The following SEC14L1 variants were observed in gnomAD, a reference collection of about 807,000 sequenced individuals.
SEC14L1 encodes SEC14-like protein 1.
In SEC14L1, 48 loss-of-function variants were observed where a neutral mutation model predicts 85.3. The ratio of observed to expected loss-of-function variants is 0.56; its 90% CI spans 0.45 to 0.72. The LOEUF (loss-of-function observed/expected upper bound fraction) is 0.72, where lower values mean the gene tolerates loss of function less well. Ranked by LOEUF, SEC14L1 falls within the 30% of genes least tolerant of loss-of-function variation. SEC14L1 has a pLI of 0.00. For missense variants in SEC14L1, 682 were observed against 921.4 expected (o/e 0.74, Z 3.36); for synonymous variants, 391 against 355.5 (o/e 1.10, Z -1.12).
At chr17:77,138,959 T>G (rs956343605), upstream of SEC14L1, among the ~76,000 whole-genome samples, 2 of 152,212 alleles carry the variant, frequency 1.3e-5, no homozygotes, top group African/African-American at 4.8e-5. Flanking sequence ...CTCAACAAAT[T>G]TCCCAATCTC....
Position 77,194,761 on chromosome 17 carries a change from A to G in SEC14L1, c.559A>G (p.Thr187Ala). The change falls in exon 7 of 17, where the codon ACG becomes GCG. Residue 187 changes from threonine to alanine, a missense_variant. Physicochemically the swap from Thr to Ala is moderately conservative, Grantham distance 58. Transcript: ENST00000436233. ...GCCCCGTTGGAGTCCGCCTTCCATC[A>G]CGACCTCTTCAGAGACATCTTCATC... The part of the protein sequence containing the change: ...FVPRWSPPSI[T>A]TSSETSSSSS... 1 of 1,614,200 alleles carries G rather than the reference A, an allele frequency of 6.2e-7. No individual in the cohort carries two copies. The highest frequency in any genetic ancestry group is 8.5e-7 in the Non-Finnish European group (1 of 1,180,026).
intron 8 of SEC14L1, among the ~76,000 whole-genome samples, chr17:77,199,921 C>A (rs764636402): frequency 1.3e-5 from 2 of 152,196 alleles, no homozygotes; most frequent in Non-Finnish European, 2.9e-5. Flanking sequence ...ATAATCCCAA[C>A]ACTTTGGGAG....
chr17:77,195,286 A>G (rs1346718309), intron 7 of SEC14L1, among the ~76,000 whole-genome samples: 5 of 150,510 alleles, frequency 3.3e-5, no homozygotes, highest in Admixed American at 3.3e-4. Flanking sequence ...GTGAGCCACC[A>G]CACCTGGCCT....
chr17:77,189,626 G>GGTTTT (rs200781196), intron 3 of SEC14L1, among the ~76,000 whole-genome samples: 7,938 of 151,988 alleles, frequency 0.052, 312 homozygotes, highest in Admixed American at 0.11. Flanking sequence ...TCTTAACAGG[G>GGTTTT]GTTTTGTTTT....
chr17:77,209,313 A>T (rs771554588), intron 13 of SEC14L1, 29 bp from the exon 14 acceptor site: 1 of 1,612,584 alleles, frequency 6.2e-7, no homozygotes, highest in Non-Finnish European at 8.5e-7. Context: ...GTGTTTGCAC[A>T]GGTTTCACTG....
At chr17:77,187,990 A>C (rs1975347542) in intron 3 of SEC14L1, among the ~76,000 whole-genome samples, 2 of 152,140 alleles carry the variant, frequency 1.3e-5, no homozygotes, top group African/African-American at 4.8e-5. Flanking sequence ...AGTGATCTGC[A>C]CGCCTGGGCC....
At position 77,128,460 on chromosome 17, in the gene SEC14L1, GTT is replaced by G. The variant is rs777310932; in HGVS notation, c.-135-14173_-135-14172del. On this transcript the variant is annotated intron_variant, in intron 3 of 19. Coordinates refer to the SEC14L1 transcript ENST00000392476. ...ATTTTATTTTATTTTATTTTATTAT[GTT>G]TTTTTTTTTTTTCTGAGACATAGTC... Among the ~76,000 whole-genome samples, 131 of 104,624 alleles carry G rather than the reference GTT, an allele frequency of 1.3e-3. 2 individuals carry two copies. The highest frequency in any genetic ancestry group is 4.4e-3 in the African/African-American group (123 of 28,102). 68.6% of individuals were successfully genotyped at this position (104,624 alleles called of 152,430 possible).
At chr17:77,100,422 CTCTCTCTTT>C (rs1436569434) in intron 3 of SEC14L1, among the ~76,000 whole-genome samples, 2 of 36,532 alleles carry the variant, frequency 5.5e-5, no homozygotes, top group African/African-American at 4.0e-4. Context: ...CTTTCTCTCT[CTCTCTCTTT>C]TTTTTTTTTT....
chr17:77,190,711 G>A (rs781741893), intron 3 of SEC14L1, 92 bp from the exon 4 acceptor site: 108 of 1,336,622 alleles, frequency 8.1e-5, no homozygotes, highest in Non-Finnish European at 1.1e-4. Context: ...GCCGTGCACC[G>A]AGAGGTGCTG....
At chr17:77,119,180 C>T (rs7222371) in intron 3 of SEC14L1, among the ~76,000 whole-genome samples, 2,675 of 151,946 alleles carry the variant, frequency 0.018, 77 homozygotes, top group African/African-American at 0.062. Flanking sequence ...TGTGGGCATG[C>T]GCCTCTAATC....
At chr17:77,209,120 C>T (rs1237314085) in intron 13 of SEC14L1, among the ~76,000 whole-genome samples, 1 of 152,190 alleles carries the variant, frequency 6.6e-6, no homozygotes. Context: ...ACATCAGCTT[C>T]AACTTGTTCC....
chr17:77,089,250 G>T (rs1448156542), exon 2 of SEC14L1: 1 of 371,110 alleles, frequency 2.7e-6, no homozygotes, highest in African/African-American at 2.2e-5. Flanking sequence ...AGCATTCGAA[G>T]TGACCTCAGC....
intron 2 of SEC14L1, among the ~76,000 whole-genome samples, chr17:77,091,302 G>A (rs1353590676): frequency 2.6e-5 from 4 of 152,122 alleles, no homozygotes; most frequent in African/African-American, 7.2e-5. Flanking sequence ...TGGCCAGGCT[G>A]GTCTCAGACT....
chr17:77,213,836 C>T lies in SEC14L1; in HGVS notation c.2043-82C>T. On this transcript the variant is annotated intron_variant, in intron 16 of 16. Coordinates refer to ENST00000436233, the MANE Select transcript of SEC14L1 (RefSeq NM_001143998.2). This position sits in a 1 kb window ranked among gnomAD's most constrained non-coding sequence, Gnocchi z 7.1. ...GAAGTGAGCAGAGAACAGGGTGGGC[C>T]ACGAAGTCCAGCAGGCAGTGTGGGC... 6.5e-7 allele frequency: 1 copy of T among 1,539,626 alleles called. No homozygotes were observed.
chr17:77,104,590 G>A (rs1266352804), intron 3 of SEC14L1, among the ~76,000 whole-genome samples: 2 of 149,952 alleles, frequency 1.3e-5, no homozygotes, highest in Non-Finnish European at 3.0e-5. Flanking sequence ...AGGAGATCAA[G>A]ACCATCCTGG....
rs552729870 is a variant in SEC14L1 at position 77,172,131 on chromosome 17, A to T, written c.64-18672A>T. Reference sequence around the variant, plus strand: ...GTTTTTCCTGTGAACAAGTTACACCAGGGGGAAGATAACAAACTGAGGAGC... The same window carrying T: ...GTTTTTCCTGTGAACAAGTTACACCTGGGGGAAGATAACAAACTGAGGAGC... On this transcript the variant is annotated intron_variant, in intron 3 of 16. Coordinates refer to ENST00000436233, the MANE Select transcript of SEC14L1 (RefSeq NM_001143998.2). Among the ~76,000 whole-genome samples the T allele has an allele frequency of 4.3e-4, 65 of 152,296 alleles. No homozygotes were observed. In the South Asian group the frequency reaches 0.013, roughly 31 times the overall value.
chr17:77,137,551 G>T (rs1319439565), upstream of SEC14L1, among the ~76,000 whole-genome samples: 1 of 152,182 alleles, frequency 6.6e-6, no homozygotes, highest in Non-Finnish European at 1.5e-5. Context: ...CAACACTGTG[G>T]ATTACAATTC....
At chr17:77,146,429 C>A (rs577786218) in intron 3 of SEC14L1, among the ~76,000 whole-genome samples, 3 of 152,252 alleles carry the variant, frequency 2.0e-5, no homozygotes, top group African/African-American at 7.2e-5. Flanking sequence ...TCCTTATTTC[C>A]CTTACTTCAC....
intron 3 of SEC14L1, among the ~76,000 whole-genome samples, chr17:77,104,597 C>G (rs1210246538): frequency 1.3e-5 from 2 of 149,894 alleles, no homozygotes; most frequent in African/African-American, 4.9e-5. Flanking sequence ...CAAGACCATC[C>G]TGGCCAAGAT....
Sources: gnomAD v4.1 joint callset for allele counts (sites outside exome capture counted in the v4.1 genomes callset) on GRCh38, gnomAD v4.1.1 for gene constraint, Gnocchi (gnomAD v3.1) non-coding constraint, MANE v1.5 for transcripts, NCBI Gene and HGNC (gene_info 2026-07-23, HGNC 2026-07-21) for gene names.